The following FBXO16 variants were observed in gnomAD, a reference collection of about 807,000 sequenced individuals.
FBXO16 encodes the protein F-box protein 16, also known as F-box only protein 16.
FBXO16 carries 31 observed loss-of-function variants against 41.0 expected under a neutral mutation model. The observed-to-expected ratio is 0.76, with a 90% CI of 0.57 to 1.02. The LOEUF (loss-of-function observed/expected upper bound fraction) is 1.02, where lower values mean the gene tolerates loss of function less well. Among genes scored for constraint, FBXO16 ranks in the 50% least tolerant of loss-of-function variants. FBXO16 has a pLI of 0.00. For missense variants in FBXO16, 361 were observed against 346.2 expected (o/e 1.04, Z -0.34); for synonymous variants, 133 against 117.8 (o/e 1.13, Z -0.84).
intron 7 of FBXO16, among the ~76,000 whole-genome samples, chr8:28,443,607 C>A (rs1369303494): frequency 6.6e-6 from 1 of 152,138 alleles, no homozygotes; most frequent in Non-Finnish European, 1.5e-5. Context: ...GGTGTTTGAA[C>A]CAGGGCAACT....
intron 3 of FBXO16, among the ~76,000 whole-genome samples, chr8:28,464,358 A>G (rs960046906): frequency 3.3e-5 from 5 of 152,228 alleles, no homozygotes; most frequent in African/African-American, 1.2e-4. Context: ...TGAAGAGAGG[A>G]AGTGAATGCC....
In FBXO16 at chr8:28,456,946, C is replaced by T. The variant is rs774477447; in HGVS notation, c.343-16G>A. 3.4e-5 allele frequency: 55 copies of T among 1,606,956 alleles called. No homozygotes were observed. Among genetic ancestry groups the T allele is most frequent in the Non-Finnish European group, 4.4e-5 (52 of 1,175,924 alleles). ...GCCAGCACACCTGGAAAAACAATTA[C>T]AATTAAACAAAACCAAATCAAACAA... On this transcript the variant is annotated splice_polypyrimidine_tract_variant and intron_variant, in intron 4 of 8. Coordinates refer to ENST00000380254, the MANE Select transcript of FBXO16 (RefSeq NM_172366.4).
chr8:28,460,225 G>GTATATATATATATATATATATATATA (rs771679568), intron 4 of FBXO16, among the ~76,000 whole-genome samples: 5 of 75,220 alleles, frequency 6.6e-5, no homozygotes, highest in African/African-American at 1.4e-4. Flanking sequence ...ATATGTGTGT[G>GTATATATATATATATATATATATATA]TATATATATA....
chr8:28,446,348 T>C (rs1189666883), intron 7 of FBXO16, among the ~76,000 whole-genome samples: 2 of 151,310 alleles, frequency 1.3e-5, no homozygotes, highest in Non-Finnish European at 2.9e-5. Flanking sequence ...AATTTTTGTA[T>C]TGTTAGTGGA....
intron 7 of FBXO16, among the ~76,000 whole-genome samples, chr8:28,436,466 T>G (rs1802689039): frequency 6.6e-6 from 1 of 152,238 alleles, no homozygotes. Flanking sequence ...TTGTTTTATC[T>G]TTTAAGTAAC....
At chr8:28,480,588 C>G (rs148145889) in intron 2 of FBXO16, among the ~76,000 whole-genome samples, 1 of 151,992 alleles carries the variant, frequency 6.6e-6, no homozygotes, top group Non-Finnish European at 1.5e-5. Context: ...ACTGCAACCT[C>G]CACCTCCTGG....
intron 6 of FBXO16, among the ~76,000 whole-genome samples, chr8:28,451,986 C>G (rs955872183): frequency 8.0e-6 from 1 of 125,436 alleles, no homozygotes; most frequent in Admixed American, 9.2e-5. Context: ...AGACTCCAGA[C>G]TACGTCTCAA....
intron 1 of FBXO16, among the ~76,000 whole-genome samples, chr8:28,484,063 G>A (rs1233699610): frequency 6.6e-6 from 1 of 152,084 alleles, no homozygotes; most frequent in African/African-American, 2.4e-5. Flanking sequence ...GATAGCAAGT[G>A]GTGTAACTGG....
intron 4 of FBXO16, among the ~76,000 whole-genome samples, chr8:28,459,348 T>C (rs1803086466): frequency 6.6e-6 from 1 of 152,180 alleles, no homozygotes; most frequent in Non-Finnish European, 1.5e-5. Context: ...CTGGGCGCAG[T>C]GGCTCACGCT....
intron 6 of FBXO16, among the ~76,000 whole-genome samples, chr8:28,448,357 A>AAAAAAAAAAAAG (rs1401076051): frequency 2.0e-5 from 3 of 150,976 alleles, no homozygotes; most frequent in Admixed American, 6.6e-5. Context: ...AAAAAAAAAA[A>AAAAAAAAAAAAG]AAAGAAAGAA....
At chr8:28,429,555 T>C (rs2130066975) in intron 7 of FBXO16, 152 bp from the exon 8 acceptor site, 2 of 801,262 alleles carry the variant, frequency 2.5e-6, no homozygotes, top group East Asian at 5.4e-5. Context: ...AGGATTGGGC[T>C]GAACACAGAT....
chr8:28,466,979 T>C (rs997781182), intron 3 of FBXO16, among the ~76,000 whole-genome samples: 1 of 120,298 alleles, frequency 8.3e-6, no homozygotes, highest in Non-Finnish European at 1.8e-5. Flanking sequence ...GGTCTCGCTG[T>C]GTCGCCAGGT....
chr8:28,448,009 TACC>T (rs1802893172), intron 6 of FBXO16, among the ~76,000 whole-genome samples: 1 of 151,958 alleles, frequency 6.6e-6, no homozygotes, highest in South Asian at 2.1e-4. Flanking sequence ...GAAAAATAGT[TACC>T]TGTAAGTAGG....
chr8:28,447,016 C>T, intron 7 of FBXO16, 155 bp downstream of exon 7: 1 of 615,998 alleles, frequency 1.6e-6, no homozygotes, highest in South Asian at 2.2e-5. Flanking sequence ...TCTTCAAGGT[C>T]ATGGCTTCTC....
At chr8:28,483,308 A>G in intron 2 of FBXO16, 40 bp downstream of exon 2, 2 of 1,508,312 alleles carry the variant, frequency 1.3e-6, no homozygotes, top group Non-Finnish European at 1.8e-6. Context: ...TTTTCCTTTC[A>G]GTCATGGATT....
intron 5 of FBXO16, among the ~76,000 whole-genome samples, chr8:28,452,922 AG>A (rs934987036): frequency 1.7e-5 from 2 of 117,200 alleles, no homozygotes; most frequent in African/African-American, 4.1e-5. Flanking sequence ...ATAAAAAAAA[AG>A]AAAAAAAGGA....
chr8:28,473,786 G>A lies in FBXO16; in HGVS notation c.121C>T (p.Leu41=). 6.2e-7 allele frequency: 1 copy of A among 1,603,680 alleles called. No individual in the cohort carries two copies. Among genetic ancestry groups the A allele is most frequent in the Non-Finnish European group, 8.5e-7 (1 of 1,173,214 alleles). Residue 41 remains leucine (L), a synonymous_variant, in exon 3 of 9, where the codon CTG becomes TTG. Transcript: ENST00000380254. ...NDRVFEERRA[L]LGKWFDKWTD... is the part of the protein sequence containing the mutation. ...TAAATGTTTACCCATTTGCCAAGCAGGGCTCTTCTTTCTTCAAATACCTAC... is the reference window on the plus strand; with the variant it reads ...TAAATGTTTACCCATTTGCCAAGCAAGGCTCTTCTTTCTTCAAATACCTAC...
intron 4 of FBXO16, among the ~76,000 whole-genome samples, chr8:28,457,440 A>G (rs930250965): frequency 6.6e-6 from 1 of 152,198 alleles, no homozygotes; most frequent in African/African-American, 2.4e-5. Flanking sequence ...TAATTTATAA[A>G]GAGAAAGACG....
intron 2 of FBXO16, among the ~76,000 whole-genome samples, chr8:28,480,543 C>G (rs1803494426): frequency 6.6e-6 from 1 of 151,362 alleles, no homozygotes; most frequent in Non-Finnish European, 1.5e-5. Flanking sequence ...CACTCTGTTG[C>G]CCAGGCACTG....
Sources: gnomAD v4.1 joint callset for allele counts (sites outside exome capture counted in the v4.1 genomes callset) on GRCh38, gnomAD v4.1.1 for gene constraint, MANE v1.5 for transcripts, NCBI Gene and HGNC (gene_info 2026-07-23, HGNC 2026-07-21) for gene names.